Variants in LRP1B observed in about 807,000 individuals in gnomAD.
LRP1B encodes the protein low-density lipoprotein receptor-related protein 1B.
In LRP1B, 217 loss-of-function variants were observed where a neutral mutation model predicts 556.6. The observed-to-expected ratio is 0.39, with a 90% CI of 0.35 to 0.44. The LOEUF is 0.44. Among genes scored for constraint, LRP1B ranks in the 20% least tolerant of loss-of-function variants. The pLI is 1.00. For missense variants in LRP1B, 5,053 were observed against 5,620.8 expected (o/e 0.90, Z 3.23); for synonymous variants, 2,047 against 1,865.8 (o/e 1.10, Z -2.50).
intron 2 of LRP1B, among the ~76,000 whole-genome samples, chr2:141,646,281 A>G (rs1689560949): frequency 6.6e-6 from 1 of 152,166 alleles, no homozygotes; most frequent in Non-Finnish European, 1.5e-5. Context: ...AACCAAATGT[A>G]TATAGTGTAG....
intron 6 of LRP1B, among the ~76,000 whole-genome samples, chr2:141,197,618 C>T (rs947926168): frequency 6.6e-6 from 1 of 152,010 alleles, no homozygotes; most frequent in Non-Finnish European, 1.5e-5. Flanking sequence ...GATGTCTATT[C>T]AGTATTTGAA....
intron 35 of LRP1B, among the ~76,000 whole-genome samples, chr2:140,734,352 G>T (rs1180647638): frequency 1.3e-5 from 2 of 152,198 alleles, no homozygotes; most frequent in Non-Finnish European, 2.9e-5. Context: ...TCAGAATGTG[G>T]CACAAGGAAT....
intron 19 of LRP1B, among the ~76,000 whole-genome samples, chr2:140,950,870 AACAT>A (rs1695694572): frequency 5.3e-5 from 8 of 151,860 alleles, no homozygotes; most frequent in Admixed American, 5.2e-4. Context: ...TCAGTGGAAC[AACAT>A]TGCTGATAAA....
intron 59 of LRP1B, among the ~76,000 whole-genome samples, chr2:140,478,745 C>T (rs1321064411): frequency 6.6e-6 from 1 of 151,972 alleles, no homozygotes; most frequent in Admixed American, 6.6e-5. Flanking sequence ...CTTGGATTGC[C>T]TCATGTCTAA....
At chr2:141,947,829 A>ACAT (rs2105027749) in intron 1 of LRP1B, among the ~76,000 whole-genome samples, 1 of 151,584 alleles carries the variant, frequency 6.6e-6, no homozygotes, top group East Asian at 1.9e-4. Context: ...AAAAAAAACA[A>ACAT]CAATACTGAA....
At chr2:140,332,775 A>G (rs1215119974) in intron 79 of LRP1B, among the ~76,000 whole-genome samples, 1 of 151,948 alleles carries the variant, frequency 6.6e-6, no homozygotes, top group Non-Finnish European at 1.5e-5. Flanking sequence ...GCATACAACT[A>G]CCGTCATAAA....
intron 20 of LRP1B, among the ~76,000 whole-genome samples, chr2:140,945,834 T>C (rs897654596): frequency 1.3e-5 from 2 of 152,146 alleles, no homozygotes; most frequent in African/African-American, 4.8e-5. Context: ...TCTAAAGCAA[T>C]TGCAACAAAA....
At chr2:140,414,402 T>A (rs1179937933) in intron 66 of LRP1B, among the ~76,000 whole-genome samples, 2 of 152,152 alleles carry the variant, frequency 1.3e-5, no homozygotes, top group Admixed American at 1.3e-4. Flanking sequence ...AAAAATACAC[T>A]TATTGTTCTG....
chr2:141,735,424 G>A (rs1693427473), intron 2 of LRP1B, among the ~76,000 whole-genome samples: 1 of 144,040 alleles, frequency 6.9e-6, no homozygotes, highest in Non-Finnish European at 1.5e-5. Flanking sequence ...TTTGTCAACA[G>A]GATTCACACA....
intron 1 of LRP1B, among the ~76,000 whole-genome samples, chr2:141,887,335 T>C (rs1352252701): frequency 2.0e-5 from 3 of 152,168 alleles, no homozygotes; most frequent in African/African-American, 7.2e-5. Context: ...ATTATATCTC[T>C]GGTTGGAATG....
intron 21 of LRP1B, among the ~76,000 whole-genome samples, chr2:140,916,950 TATA>T (rs754067658): frequency 3.3e-5 from 5 of 152,332 alleles, no homozygotes; most frequent in Admixed American, 6.5e-5. Context: ...GTCAGTGCAT[TATA>T]ATGACTTCCA....
rs937729807 is a variant in LRP1B, at chr2:142,071,142, A to T, written c.82+59506T>A. Among the ~76,000 whole-genome samples the T allele has an allele frequency of 4.0e-5, 6 of 151,880 alleles. No individual in the cohort carries two copies. The East Asian group carries it at 1.2e-3, about 29-fold the overall frequency. ...GGGAAGGGATGACTTCTTTTCTTCA[A>T]GTACCTGTATTACTTTTATATTCGT... On this transcript the variant is annotated intron_variant, in intron 1 of 90. Transcript: ENST00000389484.
At chr2:140,805,156 C>T (rs1206152701) in intron 32 of LRP1B, among the ~76,000 whole-genome samples, 2 of 152,126 alleles carry the variant, frequency 1.3e-5, no homozygotes, top group Non-Finnish European at 2.9e-5. Context: ...ACAGGACCCA[C>T]CTTTTTTGAC....
chr2:141,023,045 C>T (rs1573991479), intron 11 of LRP1B, among the ~76,000 whole-genome samples: 1 of 151,756 alleles, frequency 6.6e-6, no homozygotes, highest in East Asian at 1.9e-4. Flanking sequence ...TTCTTGTAAA[C>T]TTTGTTTAGA....
chr2:140,881,834 T>C (rs567727976), intron 25 of LRP1B, among the ~76,000 whole-genome samples: 8 of 152,268 alleles, frequency 5.3e-5, no homozygotes, highest in Non-Finnish European at 7.4e-5. Flanking sequence ...ATTTGGTATT[T>C]TCACTTAAAT....
At chr2:141,828,307 T>C (rs1330639171) in intron 1 of LRP1B, among the ~76,000 whole-genome samples, 3 of 152,148 alleles carry the variant, frequency 2.0e-5, no homozygotes, top group Non-Finnish European at 4.4e-5. Context: ...TCTATCATTA[T>C]TTAAATGACA....
At chr2:141,157,671 C>T (rs1236222780) in intron 7 of LRP1B, among the ~76,000 whole-genome samples, 1 of 151,996 alleles carries the variant, frequency 6.6e-6, no homozygotes, top group Non-Finnish European at 1.5e-5. Flanking sequence ...TGCATATTCT[C>T]GTCATTAATT....
At chr2:141,127,292 G>A (rs1701239725) in intron 7 of LRP1B, among the ~76,000 whole-genome samples, 1 of 152,126 alleles carries the variant, frequency 6.6e-6, no homozygotes, top group African/African-American at 2.4e-5. Flanking sequence ...TTGTTGGTGG[G>A]AGTGTAAATT....
At chr2:141,959,069 C>G (rs1167132790) in intron 1 of LRP1B, among the ~76,000 whole-genome samples, 1 of 151,954 alleles carries the variant, frequency 6.6e-6, no homozygotes, top group Non-Finnish European at 1.5e-5. Context: ...AACCCTCAAG[C>G]TCATTTTCTT....
Sources: gnomAD v4.1 joint callset for allele counts (sites outside exome capture counted in the v4.1 genomes callset) on GRCh38, gnomAD v4.1.1 for gene constraint, MANE v1.5 for transcripts, NCBI Gene and HGNC (gene_info 2026-07-23, HGNC 2026-07-21) for gene names.